Variants in MOB3B observed in about 807,000 individuals in gnomAD.
The protein encoded by MOB3B is MOB kinase activator-like 2B.
In MOB3B, 7 loss-of-function variants were observed where a neutral mutation model predicts 18.7. The observed-to-expected ratio is 0.37, with a 90% CI of 0.21 to 0.70. The LOEUF is 0.70. MOB3B is among the 30% of genes least tolerant of loss of function. The pLI, the probability that MOB3B is intolerant of heterozygous loss-of-function variation, is 0.52. For synonymous variants in MOB3B, 111 were observed against 99.9 expected, an observed-to-expected ratio of 1.11 and a Z score of -0.66; for missense variants, 253 against 281.3, an observed-to-expected ratio of 0.90 and a Z score of 0.72.
chr9:27,487,128 C>G (rs1247614147), intron 1 of MOB3B, among the ~76,000 whole-genome samples: 1 of 17,168 alleles, frequency 5.8e-5, no homozygotes, highest in Non-Finnish European at 1.8e-4. Context: ...AAGATTCTGT[C>G]TCAAAAATAA....
At chr9:27,442,644 C>A (rs1822610647) in intron 2 of MOB3B, among the ~76,000 whole-genome samples, 1 of 152,186 alleles carries the variant, frequency 6.6e-6, no homozygotes, top group Non-Finnish European at 1.5e-5. Context: ...TTGCCCCTGG[C>A]TCCTGAGCCC....
intron 3 of MOB3B, among the ~76,000 whole-genome samples, chr9:27,357,888 CAAAAAAAAAAAAAA>C (rs58851638): frequency 2.8e-4 from 16 of 57,944 alleles, no homozygotes; most frequent in East Asian, 1.4e-3. Flanking sequence ...CCCATCGCTA[CAAAAAAAAAAAAAA>C]AAAAAAAAAA....
At chr9:27,429,172 G>A (rs997644858) in intron 2 of MOB3B, among the ~76,000 whole-genome samples, 3 of 152,108 alleles carry the variant, frequency 2.0e-5, no homozygotes, top group Non-Finnish European at 2.9e-5. Context: ...CTCATAAATC[G>A]TAGGAACACC....
At chr9:27,339,883 C>T (rs1267749094) in intron 3 of MOB3B, among the ~76,000 whole-genome samples, 1 of 152,248 alleles carries the variant, frequency 6.6e-6, no homozygotes, top group Non-Finnish European at 1.5e-5. Flanking sequence ...ACAGCCAGGG[C>T]TGCTGTTCTT....
At chr9:27,353,034 C>T (rs1821129047) in intron 3 of MOB3B, among the ~76,000 whole-genome samples, 1 of 152,196 alleles carries the variant, frequency 6.6e-6, no homozygotes, top group African/African-American at 2.4e-5. Context: ...AAACACTGAT[C>T]TTCAGATTTT....
intron 2 of MOB3B, among the ~76,000 whole-genome samples, chr9:27,403,711 C>T (rs1015635339): frequency 1.3e-4 from 19 of 151,934 alleles, no homozygotes; most frequent in African/African-American, 4.1e-4. Context: ...GAACTCCTGA[C>T]CTTGTGATCC....
chr9:27,446,870 C>T (rs1490690566), intron 2 of MOB3B, among the ~76,000 whole-genome samples: 1 of 152,202 alleles, frequency 6.6e-6, no homozygotes, highest in Non-Finnish European at 1.5e-5. Flanking sequence ...ACTAACACTT[C>T]TGTTCCTTTT....
At chr9:27,335,192 A>G (rs892574449) in intron 3 of MOB3B, among the ~76,000 whole-genome samples, 3 of 152,248 alleles carry the variant, frequency 2.0e-5, no homozygotes, top group African/African-American at 4.8e-5. Flanking sequence ...AGCAATTTTA[A>G]TAAGTTAACT....
chr9:27,370,534 G>C (rs969763768), intron 2 of MOB3B, among the ~76,000 whole-genome samples: 1 of 151,370 alleles, frequency 6.6e-6, no homozygotes, highest in African/African-American at 2.4e-5. Context: ...AAAAAAAGAG[G>C]GTCCTTTTTC....
chr9:27,524,174 C>G, intron 1 of MOB3B: 1 of 331,330 alleles, frequency 3.0e-6, no homozygotes. Flanking sequence ...AAAAAAAAGC[C>G]TCAGAGGCAA....
chr9:27,491,015 G>A (rs1457185259), intron 1 of MOB3B, among the ~76,000 whole-genome samples: 1 of 151,206 alleles, frequency 6.6e-6, no homozygotes. Context: ...AAGGATACCA[G>A]GACAGAGGAA....
intron 2 of MOB3B, among the ~76,000 whole-genome samples, chr9:27,446,766 G>GT (rs1822697688): frequency 6.6e-6 from 1 of 152,118 alleles, no homozygotes; most frequent in South Asian, 2.1e-4. Flanking sequence ...GCAGGTACCT[G>GT]TATATGCATT....
intron 1 of MOB3B, among the ~76,000 whole-genome samples, chr9:27,482,635 A>G (rs921973611): frequency 6.6e-6 from 1 of 151,486 alleles, no homozygotes; most frequent in Non-Finnish European, 1.5e-5. Flanking sequence ...CCTCTACACC[A>G]TTGCCCGTGC....
chr9:27,512,256 T>C (rs376809610), intron 1 of MOB3B, among the ~76,000 whole-genome samples: 2 of 152,144 alleles, frequency 1.3e-5, no homozygotes. Flanking sequence ...GGCCATCCTA[T>C]AATTTTGGAT....
At chr9:27,446,668 C>T (rs1307537420) in intron 2 of MOB3B, among the ~76,000 whole-genome samples, 3 of 152,178 alleles carry the variant, frequency 2.0e-5, no homozygotes, top group African/African-American at 7.2e-5. Flanking sequence ...AGGGAACTAA[C>T]GTTTAAAGCT....
chr9:27,374,290 G>A (rs1321113975), intron 2 of MOB3B, among the ~76,000 whole-genome samples: 1 of 151,356 alleles, frequency 6.6e-6, no homozygotes, highest in Admixed American at 6.6e-5. Context: ...AGGTGGTGAA[G>A]CTGGATTTAA....
chr9:27,331,861 T>A (rs1027345199), intron 3 of MOB3B, among the ~76,000 whole-genome samples: 1 of 152,196 alleles, frequency 6.6e-6, no homozygotes, highest in Non-Finnish European at 1.5e-5. Flanking sequence ...TGCCAAGGTG[T>A]TCAGAGAAGC....
intron 2 of MOB3B, among the ~76,000 whole-genome samples, chr9:27,389,085 T>C (rs1821690224): frequency 6.6e-6 from 1 of 152,202 alleles, no homozygotes; most frequent in South Asian, 2.1e-4. Flanking sequence ...ATCCCACTAA[T>C]GCTTCCAATA....
At chr9:27,449,285 C>T (rs142051365) in intron 2 of MOB3B, among the ~76,000 whole-genome samples, 144 of 152,264 alleles carry the variant, frequency 9.5e-4, no homozygotes, top group African/African-American at 3.2e-3. Context: ...ACTGAGGATA[C>T]GGTTCAAAAA....
Sources: gnomAD v4.1 joint callset for allele counts (sites outside exome capture counted in the v4.1 genomes callset) on GRCh38, gnomAD v4.1.1 for gene constraint, MANE v1.5 for transcripts, NCBI Gene and HGNC (gene_info 2026-07-23, HGNC 2026-07-21) for gene names.